Variants in MIB1 observed in about 807,000 individuals in gnomAD.
MIB1 encodes the protein MIB E3 ubiquitin protein ligase 1, also known as E3 ubiquitin-protein ligase MIB1.
Under a neutral mutation model 124.5 loss-of-function variants are expected in MIB1, and 278 were observed. The observed-to-expected ratio is 2.23, with a 90% CI of 2.02 to 2.47. MIB1 has a LOEUF of 2.47. Among genes scored for constraint, MIB1 ranks in the 30% most tolerant of loss-of-function variants. MIB1 has a pLI of 0.00. For missense variants in MIB1, 957 were observed against 1,254.4 expected (o/e 0.76, Z 3.58); for synonymous variants, 446 against 429.4 (o/e 1.04, Z -0.48).
intron 6 of MIB1, among the ~76,000 whole-genome samples, chr18:21,781,386 T>C (rs1474298849): frequency 1.6e-5 from 1 of 61,576 alleles, no homozygotes; most frequent in African/African-American, 7.9e-5. Context: ...TATATATATA[T>C]ATATATATAT....
At chr18:21,771,507 C>T (rs2041223650) in intron 3 of MIB1, among the ~76,000 whole-genome samples, 1 of 152,032 alleles carries the variant, frequency 6.6e-6, no homozygotes, top group Admixed American at 6.6e-5. Context: ...CCTTCGAGTG[C>T]TAGAAACTGT....
At chr18:21,744,321 T>A (rs1364337894) in intron 1 of MIB1, among the ~76,000 whole-genome samples, 1 of 152,148 alleles carries the variant, frequency 6.6e-6, no homozygotes, top group Non-Finnish European at 1.5e-5. Flanking sequence ...TAACTTTTGT[T>A]TTTGAAACAA....
chr18:21,778,151 G>T lies in MIB1; in HGVS notation c.685G>T (p.Asp229Tyr). Reference protein sequence around the residue: ...QDAKGGSFYRDHCPVLGEQNG... With the variant: ...QDAKGGSFYRYHCPVLGEQNG... ...TGCCAAGGGAGGTTCTTTCTACAGA[G>T]ATCACTGCCCTGTGCTAGGTGAGTG... is the stretch of plus-strand genomic sequence containing the variant. Residue 229 changes from aspartate to tyrosine, a missense_variant, in exon 5 of 21, where the codon GAT becomes TAT. Asp to Tyr is a radical substitution (Grantham distance 160). Coordinates refer to ENST00000261537, the MANE Select transcript of MIB1 (RefSeq NM_020774.4). The T allele has an allele frequency of 2.5e-6, 4 of 1,609,782 alleles. No individual in the cohort carries two copies. Among genetic ancestry groups the T allele is most frequent in the Non-Finnish European group, 3.4e-6 (4 of 1,176,458 alleles).
At position 21,787,585 on chromosome 18, in the gene MIB1, G is replaced by A. The variant is rs192552429; in HGVS notation, c.909-3789G>A. 1.9e-3 allele frequency among the ~76,000 whole-genome samples: 287 copies of A among 152,202 alleles called. 2 individuals carry two copies. The highest frequency in any genetic ancestry group is 2.5e-3 in the Non-Finnish European group (170 of 68,002). On this transcript the variant is annotated intron_variant, in intron 6 of 20. Coordinates refer to ENST00000261537, the MANE Select transcript of MIB1 (RefSeq NM_020774.4). ...TTCCAGTGTAGAGACTGTGATTCCT[G>A]GGGGAATTTTCTGTGCTTTGTGCCT... is the stretch of plus-strand genomic sequence containing the variant.
Position 21,837,502 on chromosome 18 carries a change from C to T in MIB1, c.1830-863C>T, listed in dbSNP as rs552441052. On this transcript the variant is annotated intron_variant, in intron 12 of 20. Coordinates refer to ENST00000261537, the MANE Select transcript of MIB1 (RefSeq NM_020774.4). ...CAGCCTGGTCGACAGAGCGAGACTC[C>T]GTCTCAGGAAAACAAACAGACAAAC... Among the ~76,000 whole-genome samples the T allele has an allele frequency of 7.2e-5, 11 of 152,272 alleles. No individual in the cohort carries two copies. In the East Asian group the frequency reaches 1.9e-3, roughly 27 times the overall value.
chr18:21,839,887 T>C (rs1200954335), intron 13 of MIB1, among the ~76,000 whole-genome samples: 1 of 152,190 alleles, frequency 6.6e-6, no homozygotes, highest in Non-Finnish European at 1.5e-5. Context: ...TTTTTGCGGA[T>C]GTTATTATAA....
Position 21,773,647 on chromosome 18 carries a change from T to C in MIB1, c.555T>C (p.Ser185=). 6.2e-7 allele frequency: 1 copy of C among 1,609,412 alleles called. No homozygotes were observed. The highest frequency in any genetic ancestry group is 8.5e-7 in the Non-Finnish European group (1 of 1,178,262). ...AGGTAACAGAAATCCAGGACTGGAG[T>C]GCATCAAGCCCACATAGCGCAGCAT... ...RGKVTEIQDW[S]ASSPHSAAYV... Residue 185 remains serine, a synonymous_variant, in exon 4 of 21, where the codon AGT becomes AGC. Transcript: ENST00000261537.
chr18:21,747,436 A>G (rs1380470369), intron 1 of MIB1, among the ~76,000 whole-genome samples: 4 of 152,202 alleles, frequency 2.6e-5, no homozygotes, highest in Non-Finnish European at 5.9e-5. Flanking sequence ...ATAAGCTCAT[A>G]GGTGATGCAG....
chr18:21,732,337 ATATAT>A (rs2040774927), intron 1 of MIB1, among the ~76,000 whole-genome samples: 2 of 139,824 alleles, frequency 1.4e-5, no homozygotes, highest in Middle Eastern at 7.1e-3. Context: ...AAAAAAATAT[ATATAT>A]TATATGTATA....
intron 1 of MIB1, among the ~76,000 whole-genome samples, chr18:21,719,062 C>T (rs1445053169): frequency 6.6e-6 from 1 of 152,012 alleles, no homozygotes; most frequent in East Asian, 1.9e-4. Flanking sequence ...GTGGCGCATG[C>T]CTGTAATCCC....
At chr18:21,826,699 TA>T (rs1300193093) in intron 12 of MIB1, 11 of 152,062 alleles carry the variant, frequency 7.2e-5, no homozygotes, top group African/African-American at 2.4e-4. Context: ...TTGCATAAAA[TA>T]AAAGTTTGAT....
At chr18:21,783,642 G>C (rs1037036514) in intron 6 of MIB1, among the ~76,000 whole-genome samples, 3 of 151,534 alleles carry the variant, frequency 2.0e-5, no homozygotes, top group Non-Finnish European at 4.4e-5. Context: ...CTTGTTATTT[G>C]GTTGTTTTGT....
Position 21,868,105 on chromosome 18 carries a change from GT to G in MIB1, c.*3445del, listed in dbSNP as rs1206708713. 3 of 151,916 alleles carry G rather than the reference GT, an allele frequency of 2.0e-5. No homozygotes were observed. The highest frequency in any genetic ancestry group is 6.6e-5 in the Admixed American group (1 of 15,240). 9.4% of individuals were successfully genotyped at this position (151,916 alleles called of 1,614,324 possible). On this transcript the variant is annotated 3_prime_UTR_variant, in exon 21 of 21. Coordinates refer to ENST00000261537, the MANE Select transcript of MIB1 (RefSeq NM_020774.4). ...GTGTAAAAAATTGAATTTTTGAATA[GT>G]TTTTTGTATTTTTTGTGATGAAAAA...
chr18:21,715,295 C>T (rs1480413907), intron 1 of MIB1, among the ~76,000 whole-genome samples: 1 of 152,184 alleles, frequency 6.6e-6, no homozygotes. Context: ...CAGGAAGCCA[C>T]ATCCATAGGA....
At chr18:21,787,542 C>G (rs2041450557) in intron 6 of MIB1, among the ~76,000 whole-genome samples, 1 of 152,186 alleles carries the variant, frequency 6.6e-6, no homozygotes. Flanking sequence ...AGCTGGCTCT[C>G]TGCCTTGATC....
At chr18:21,711,716 C>G (rs2040666377) in intron 1 of MIB1, among the ~76,000 whole-genome samples, 1 of 151,960 alleles carries the variant, frequency 6.6e-6, no homozygotes, top group African/African-American at 2.4e-5. Flanking sequence ...ATTTTTTTGA[C>G]AAGGTTTTGC....
chr18:21,765,999 G>A, intron 2 of MIB1, 56 bp downstream of exon 2: 1 of 1,520,868 alleles, frequency 6.6e-7, no homozygotes, highest in Admixed American at 1.7e-5. Flanking sequence ...TTCAAGTTAT[G>A]TACTTCTGGG....
At chr18:21,774,110 C>T (rs1173348636) in intron 4 of MIB1, among the ~76,000 whole-genome samples, 1 of 152,166 alleles carries the variant, frequency 6.6e-6, no homozygotes, top group Non-Finnish European at 1.5e-5. Context: ...GTATAAATTA[C>T]AACAAATATT....
At chr18:21,780,385 C>T (rs150447636) in intron 6 of MIB1, among the ~76,000 whole-genome samples, 2 of 152,202 alleles carry the variant, frequency 1.3e-5, no homozygotes, top group South Asian at 4.1e-4. Context: ...CTCATCCCCC[C>T]CTTTCTCCTA....
Sources: allele counts gnomAD v4.1 joint callset (sites outside exome capture counted in the v4.1 genomes callset), GRCh38; gene constraint gnomAD v4.1.1; transcripts MANE v1.5; gene names NCBI Gene and HGNC (gene_info 2026-07-23, HGNC 2026-07-21).